The following OR2V1 variants were observed in gnomAD, a reference collection of about 807,000 sequenced individuals.
OR2V1 encodes olfactory receptor 2V1.
OR2V1 carries 18 observed loss-of-function variants against 15.0 expected under a neutral mutation model. That is an observed-to-expected ratio of 1.20 (90% confidence interval 0.83 to 1.78). The LOEUF (loss-of-function observed/expected upper bound fraction) is 1.78. Ranked by LOEUF, OR2V1 falls within the 40% of genes most tolerant of loss-of-function variation. The pLI, the probability that OR2V1 is intolerant of heterozygous loss-of-function variation, is 0.00. For synonymous variants in OR2V1, 144 were observed against 146.1 expected, an observed-to-expected ratio of 0.99 and a Z score of 0.10; for missense variants, 359 against 392.9, an observed-to-expected ratio of 0.91 and a Z score of 0.73.
rs961718305 is a variant in OR2V1, at chr5:181,123,700, A to C, written c.*657T>G. The C allele has an allele frequency of 6.6e-5, 10 of 152,210 alleles. No individual in the cohort carries two copies. The allele number at this position is 152,210 out of a possible 1,614,324, so 9.4% of individuals were successfully genotyped here. ...CTCCTTTCATAACACACACAAAAAA[A>C]CAAGATATTCCCCCCACGAGGATAA... On this transcript the variant is annotated 3_prime_UTR_variant, in exon 4 of 4. Transcript: ENST00000641551.
At position 181,124,181 on chromosome 5, in the gene OR2V1, T is replaced by A. The variant is rs890719138; in HGVS notation, c.*176A>T. ...GAGCACGAGTGTCCTGATTATCTTT[T>A]TTTCCTTTTTTTTTGGTACAGAAAT... On this transcript the variant is annotated 3_prime_UTR_variant, in exon 4 of 4. Coordinates refer to ENST00000641551, the MANE Select transcript of OR2V1 (RefSeq NM_001258283.2). The A allele has an allele frequency of 1.7e-5, 9 of 521,380 alleles. No individual in the cohort carries two copies. Among genetic ancestry groups the A allele is most frequent in the Non-Finnish European group, 2.8e-5 (9 of 321,184 alleles). The allele number at this position is 521,380 out of a possible 1,614,324, so 32.3% of individuals were successfully genotyped here.
At position 181,124,165 on chromosome 5, in the gene OR2V1, T is replaced by C; in HGVS notation, c.*192A>G. The C allele has an allele frequency of 2.1e-6, 1 of 469,388 alleles. No homozygotes were observed. The highest frequency in any genetic ancestry group is 3.8e-5 in the Admixed American group (1 of 26,204). The allele number at this position is 469,388 out of a possible 1,614,324, so 29.1% of individuals were successfully genotyped here. ...TTTACAAAATCCCTCAGAGCACGAG[T>C]GTCCTGATTATCTTTTTTTCCTTTT... On this transcript the variant is annotated 3_prime_UTR_variant, in exon 4 of 4. Coordinates refer to ENST00000641551, the MANE Select transcript of OR2V1 (RefSeq NM_001258283.2).
At chr5:181,128,708 T>C (rs1762919867) in intron 3 of OR2V1, among the ~76,000 whole-genome samples, 1 of 152,098 alleles carries the variant, frequency 6.6e-6, no homozygotes, top group African/African-American at 2.4e-5. Flanking sequence ...CAGCACCCAT[T>C]TAGAGCTGAA....
At chr5:181,126,222 G>A (rs7729642) in intron 3 of OR2V1, among the ~76,000 whole-genome samples, 93,063 of 151,956 alleles carry the variant, frequency 0.61, 28,711 homozygotes, top group Middle Eastern at 0.78. Flanking sequence ...TTTTTCTGAT[G>A]GGTTATTGTA....
chr5:181,124,525 G>A lies in OR2V1; in HGVS notation c.780C>T (p.Tyr260=). 1 of 1,613,608 alleles carries A rather than the reference G, an allele frequency of 6.2e-7. No individual in the cohort carries two copies. Among genetic ancestry groups the A allele is most frequent in the Non-Finnish European group, 8.5e-7 (1 of 1,179,740 alleles). Residue 260 remains tyrosine, a synonymous_variant, in exon 4 of 4, where the codon TAC becomes TAT. Transcript: ENST00000641551. ...GGGCCCGGTAGCGCCTAGGCCTCAG[G>A]TACATGAACATGGCTGCCCCATAGA... The part of the protein sequence containing the change: ...TLFYGAAMFM[Y]LRPRRYRAPS...
chr5:181,130,535 C>G (rs1762948064), intron 1 of OR2V1: 1 of 324,918 alleles, frequency 3.1e-6, no homozygotes, highest in East Asian at 4.9e-5. Context: ...CACCCTGGCT[C>G]TGGCCAGGTG....
At chr5:181,126,663 T>G (rs918678637) in intron 3 of OR2V1, among the ~76,000 whole-genome samples, 3 of 150,810 alleles carry the variant, frequency 2.0e-5, no homozygotes, top group African/African-American at 7.3e-5. Flanking sequence ...CATACAGACA[T>G]GGAAAGATAT....
chr5:181,129,296 G>C (rs565053521), intron 3 of OR2V1, among the ~76,000 whole-genome samples: 1 of 152,168 alleles, frequency 6.6e-6, no homozygotes, highest in East Asian at 1.9e-4. Context: ...CCAGTTACTT[G>C]GAAGACTGAG....
intron 3 of OR2V1, among the ~76,000 whole-genome samples, chr5:181,126,600 TCACA>T (rs1253760847): frequency 7.2e-6 from 1 of 138,816 alleles, no homozygotes; most frequent in African/African-American, 2.7e-5. Context: ...ATACACGGAG[TCACA>T]CACACAGCCA....
At position 181,124,496 on chromosome 5, in the gene OR2V1, C is replaced by T; in HGVS notation, c.809G>A (p.Ser270Asn). 6.2e-7 allele frequency: 1 copy of T among 1,613,912 alleles called. No individual in the cohort carries two copies. Among genetic ancestry groups the T allele is most frequent in the South Asian group, 1.1e-5 (1 of 91,058 alleles). The change falls in exon 4 of 4, where the codon AGC becomes AAC. Residue 270 changes from serine to asparagine, a missense_variant. Transcript: ENST00000641551. ...GAAGATAGAGGCCACCTTGTCATGG[C>T]TAGGGGCCCGGTAGCGCCTAGGCCT... Reference protein sequence around the residue: ...YLRPRRYRAPSHDKVASIFYT... With the variant: ...YLRPRRYRAPNHDKVASIFYT...
intron 3 of OR2V1, among the ~76,000 whole-genome samples, chr5:181,129,068 A>G (rs1412364163): frequency 6.6e-6 from 1 of 152,150 alleles, no homozygotes; most frequent in African/African-American, 2.4e-5. Context: ...TCTCTATTCA[A>G]AAAACAGAGA....
chr5:181,126,929 C>G (rs968696066), intron 3 of OR2V1, among the ~76,000 whole-genome samples: 3 of 152,254 alleles, frequency 2.0e-5, no homozygotes, highest in African/African-American at 7.2e-5. Context: ...CACCTCCATC[C>G]TTTGCTGGTT....
chr5:181,125,356 G>A, intron 3 of OR2V1, 31 bp from the exon 4 acceptor site: 1 of 1,513,182 alleles, frequency 6.6e-7, no homozygotes, highest in Non-Finnish European at 9.0e-7. Flanking sequence ...ATAAGATTGA[G>A]TGACATGTCT....
Position 181,124,333 on chromosome 5 carries a change from A to C in OR2V1, c.*24T>G. ...CAATGTGACACAGGCAAGAAGGGGC[A>C]CAGCAGGCACCAGACTCTGGGGTTC... is the stretch of plus-strand genomic sequence containing the variant. On this transcript the variant is annotated 3_prime_UTR_variant, in exon 4 of 4. Transcript: ENST00000641551. 6.6e-7 allele frequency: 1 copy of C among 1,516,812 alleles called. No individual in the cohort carries two copies. Among genetic ancestry groups the C allele is most frequent in the Non-Finnish European group, 8.8e-7 (1 of 1,132,814 alleles). The allele number at this position is 1,516,812 out of a possible 1,614,324, so 94.0% of individuals were successfully genotyped here.
intron 3 of OR2V1, among the ~76,000 whole-genome samples, chr5:181,129,137 T>C (rs1762927489): frequency 6.6e-6 from 1 of 152,052 alleles, no homozygotes; most frequent in Non-Finnish European, 1.5e-5. Context: ...GTGGCTGAGG[T>C]GGAAGGATCG....
At chr5:181,126,457 C>CACACAGAG (rs1554095046) in intron 3 of OR2V1, among the ~76,000 whole-genome samples, 1 of 125,986 alleles carries the variant, frequency 7.9e-6, no homozygotes, top group African/African-American at 2.8e-5. Flanking sequence ...CACACACACA[C>CACACAGAG]AGAGACACAC....
chr5:181,124,301 G>T lies in OR2V1; in HGVS notation c.*56C>A. On this transcript the variant is annotated 3_prime_UTR_variant, in exon 4 of 4. Transcript: ENST00000641551. ...AAACAGACACTCACAAAGGTTGAGT[G>T]ACTTCCCAATGTGACACAGGCAAGA... 7.0e-7 allele frequency: 1 copy of T among 1,430,008 alleles called. No homozygotes were observed. The highest frequency in any genetic ancestry group is 1.5e-5 in the South Asian group (1 of 64,936). 88.6% of individuals were successfully genotyped at this position (1,430,008 alleles called of 1,614,324 possible). A position where few individuals can be genotyped will look rare whatever the true frequency, so the allele number is the denominator to read the frequency against.
At position 181,124,413 on chromosome 5, in the gene OR2V1, C is replaced by A; in HGVS notation, c.892G>T (p.Val298Leu). The change falls in exon 4 of 4, where the codon GTG (valine) becomes TTG (leucine). Residue 298 changes from valine (V) to leucine (L), a missense_variant. Val to Leu is a conservative substitution (Grantham distance 32). Coordinates refer to ENST00000641551, the MANE Select transcript of OR2V1 (RefSeq NM_001258283.2). Reference protein sequence around the residue: ...PLIYSLRNGEVMGALRKGLDR... With the variant: ...PLIYSLRNGELMGALRKGLDR... ...AGCCCCTTCCTCAGTGCCCCCATCA[C>A]CTCCCCATTCCTCAAGCTGTAAATG... 1 of 1,611,762 alleles carries A rather than the reference C, an allele frequency of 6.2e-7. No homozygotes were observed. The highest frequency in any genetic ancestry group is 1.1e-5 in the South Asian group (1 of 90,840).
At position 181,125,336 on chromosome 5, in the gene OR2V1, A is replaced by G; in HGVS notation, c.-21-11T>C. The G allele has an allele frequency of 6.4e-7, 1 of 1,573,384 alleles. No individual in the cohort carries two copies. Among genetic ancestry groups the G allele is most frequent in the East Asian group, 2.2e-5 (1 of 44,514 alleles). ...GTTGTTCACTGTCACCTGAGAACATAAGAGAAATTATAAGATTGAGTGACA... is the reference window on the plus strand; with the variant it reads ...GTTGTTCACTGTCACCTGAGAACATGAGAGAAATTATAAGATTGAGTGACA... On this transcript the variant is annotated splice_polypyrimidine_tract_variant and intron_variant, in intron 3 of 3. Coordinates refer to ENST00000641551, the MANE Select transcript of OR2V1 (RefSeq NM_001258283.2).
Sources: gnomAD v4.1 joint callset for allele counts (sites outside exome capture counted in the v4.1 genomes callset) on GRCh38, gnomAD v4.1.1 for gene constraint, MANE v1.5 for transcripts, NCBI Gene and HGNC (gene_info 2026-07-23, HGNC 2026-07-21) for gene names.